The following SPOCK3 variants were observed in gnomAD, a reference collection of about 807,000 sequenced individuals.
SPOCK3 encodes the protein SPARC (osteonectin), cwcv and kazal like domains proteoglycan 3.
A neutral mutation model predicts 56.6 loss-of-function variants in SPOCK3; 30 were observed. The observed-to-expected ratio is 0.53, with a 90% CI of 0.40 to 0.72. SPOCK3 has a LOEUF of 0.72. SPOCK3 is among the 30% of genes least tolerant of loss of function. The pLI, the probability that SPOCK3 is intolerant of heterozygous loss-of-function variation, is 0.00. For missense variants in SPOCK3, 527 were observed against 530.0 expected (o/e 0.99, Z 0.06); for synonymous variants, 196 against 183.3 (o/e 1.07, Z -0.56).
At chr4:167,150,622 T>C (rs887044704) in intron 2 of SPOCK3, among the ~76,000 whole-genome samples, 6 of 152,176 alleles carry the variant, frequency 3.9e-5, no homozygotes, top group Non-Finnish European at 7.4e-5. Flanking sequence ...AGACTTATGA[T>C]TGTGATAAAT....
intron 6 of SPOCK3, among the ~76,000 whole-genome samples, chr4:166,801,643 G>A (rs1039265084): frequency 2.0e-5 from 3 of 151,724 alleles, no homozygotes; most frequent in Admixed American, 6.6e-5. Flanking sequence ...TAGACAACTC[G>A]TTTCTGTAAT....
At chr4:166,867,114 A>G (rs1731930252) in intron 6 of SPOCK3, among the ~76,000 whole-genome samples, 2 of 152,030 alleles carry the variant, frequency 1.3e-5, no homozygotes, top group African/African-American at 2.4e-5. Flanking sequence ...ACATCTGATG[A>G]AGGCATCATT....
chr4:166,968,457 C>A (rs964629396), intron 4 of SPOCK3, among the ~76,000 whole-genome samples: 5 of 152,104 alleles, frequency 3.3e-5, no homozygotes, highest in African/African-American at 1.2e-4. Context: ...TGTGTGTAGC[C>A]TCAGAGCATG....
intron 6 of SPOCK3, among the ~76,000 whole-genome samples, chr4:166,792,898 A>G (rs1184568284): frequency 6.6e-6 from 1 of 152,150 alleles, no homozygotes; most frequent in Non-Finnish European, 1.5e-5. Flanking sequence ...GTACTGGCAA[A>G]CTTTAACATT....
At chr4:167,118,679 T>C (rs1761623047) in intron 2 of SPOCK3, among the ~76,000 whole-genome samples, 1 of 152,322 alleles carries the variant, frequency 6.6e-6, no homozygotes, top group African/African-American at 2.4e-5. Flanking sequence ...ACAGTTATTC[T>C]TGAAGAAGCT....
At chr4:167,050,598 C>T (rs967488565) in intron 3 of SPOCK3, among the ~76,000 whole-genome samples, 1 of 152,060 alleles carries the variant, frequency 6.6e-6, no homozygotes, top group Non-Finnish European at 1.5e-5. Flanking sequence ...TAGACACACA[C>T]ATTCATAGAA....
At chr4:167,125,606 T>TC in intron 2 of SPOCK3, among the ~76,000 whole-genome samples, 1 of 151,922 alleles carries the variant, frequency 6.6e-6, no homozygotes, top group Non-Finnish European at 1.5e-5. Flanking sequence ...CCCAAGCTAC[T>TC]CGGGAGGCTG....
At chr4:166,849,403 G>T (rs993202417) in intron 6 of SPOCK3, among the ~76,000 whole-genome samples, 8 of 150,794 alleles carry the variant, frequency 5.3e-5, no homozygotes, top group South Asian at 4.2e-4. Context: ...TAATTGTGTG[G>T]TTTTTTTTTG....
intron 8 of SPOCK3, among the ~76,000 whole-genome samples, chr4:166,747,617 G>T (rs1735815620): frequency 6.6e-6 from 1 of 152,120 alleles, no homozygotes. Context: ...TCAATATATT[G>T]TTGGAAGTGC....
chr4:166,859,758 T>A (rs1322001647), intron 6 of SPOCK3, among the ~76,000 whole-genome samples: 1 of 152,108 alleles, frequency 6.6e-6, no homozygotes, highest in Non-Finnish European at 1.5e-5. Flanking sequence ...TTAAGGATAA[T>A]TAGCATCCAG....
chr4:167,188,720 T>C lies in SPOCK3; in HGVS notation c.189+45265A>G, dbSNP rs1413903516. ...TTGTACTTGTTAAACATCCACCAGA[T>C]TTATTTTTCAAAAGCCACAGTTGCT... On this transcript the variant is annotated intron_variant, in intron 2 of 10. Transcript: ENST00000357545. Among the ~76,000 whole-genome samples the C allele has an allele frequency of 2.7e-5, 4 of 146,092 alleles. 1 individual carries two copies. The highest frequency in any genetic ancestry group is 1.0e-4 in the African/African-American group (4 of 38,266).
At chr4:167,149,514 G>A (rs1205783835) in intron 2 of SPOCK3, among the ~76,000 whole-genome samples, 2 of 152,026 alleles carry the variant, frequency 1.3e-5, no homozygotes, top group Non-Finnish European at 2.9e-5. Context: ...ATGCTTTGAA[G>A]AAAATATAGA....
chr4:167,166,368 A>G (rs1388580681), intron 2 of SPOCK3, among the ~76,000 whole-genome samples: 1 of 151,240 alleles, frequency 6.6e-6, no homozygotes, highest in Admixed American at 6.6e-5. Context: ...GGCTACATAC[A>G]TTTTTTTTTC....
chr4:167,173,325 T>G (rs762333911), intron 2 of SPOCK3, among the ~76,000 whole-genome samples: 1 of 152,198 alleles, frequency 6.6e-6, no homozygotes, highest in African/African-American at 2.4e-5. Flanking sequence ...TCAATATATA[T>G]GTAAATTGCC....
intron 4 of SPOCK3, among the ~76,000 whole-genome samples, chr4:166,950,916 T>A (rs941809347): frequency 4.3e-5 from 6 of 137,962 alleles, no homozygotes; most frequent in Admixed American, 1.4e-4. Context: ...TACCAGAATC[T>A]CTGGGACACA....
chr4:166,780,455 A>G (rs187751235), intron 7 of SPOCK3, among the ~76,000 whole-genome samples: 8 of 152,272 alleles, frequency 5.3e-5, no homozygotes, highest in Non-Finnish European at 1.0e-4. Context: ...AAACCACCTG[A>G]GAAGCAGAAG....
intron 6 of SPOCK3, among the ~76,000 whole-genome samples, chr4:166,847,681 A>ATATATATATATATATATAT (rs1560926812): frequency 3.5e-3 from 318 of 91,076 alleles, no homozygotes; most frequent in South Asian, 4.9e-3. Flanking sequence ...ATATATATAT[A>ATATATATATATATATATAT]AGAATCATGT....
chr4:166,832,515 A>G lies in SPOCK3; in HGVS notation c.590-40226T>C, dbSNP rs76412826. On this transcript the variant is annotated intron_variant, in intron 6 of 10. Transcript: ENST00000357545. ...TGGAAATCAGTTTGGAAATTTTCCA[A>G]AGAACTTAAAAGAGAACTAACATTC... is the stretch of plus-strand genomic sequence containing the variant. Among the ~76,000 whole-genome samples, 408 of 152,290 alleles carry G rather than the reference A, an allele frequency of 2.7e-3. 10 individuals are homozygous for G. In the East Asian group the frequency reaches 0.062, roughly 23 times the overall value.
chr4:166,789,327 G>A (rs1166907366), intron 7 of SPOCK3, among the ~76,000 whole-genome samples: 2 of 151,940 alleles, frequency 1.3e-5, no homozygotes, highest in Admixed American at 1.3e-4. Flanking sequence ...TACTCGAGAG[G>A]TTAAGGTAGG....
Sources: allele counts gnomAD v4.1 joint callset (sites outside exome capture counted in the v4.1 genomes callset), GRCh38; gene constraint gnomAD v4.1.1; transcripts MANE v1.5; gene names NCBI Gene and HGNC (gene_info 2026-07-23, HGNC 2026-07-21).